Variants in BIRC6 observed in about 807,000 individuals in gnomAD.
The protein encoded by BIRC6 is baculoviral IAP repeat containing 6.
BIRC6 carries 98 observed loss-of-function variants against 503.3 expected under a neutral mutation model. The ratio of observed to expected loss-of-function variants is 0.19; its 90% CI spans 0.17 to 0.23. The LOEUF (loss-of-function observed/expected upper bound fraction) is 0.23. Ranked by LOEUF, BIRC6 falls within the 10% of genes least tolerant of loss-of-function variation. BIRC6 has a pLI of 1.00. For synonymous variants in BIRC6, 2,240 were observed against 2,078.7 expected (o/e 1.08, Z -2.11); for missense variants, 5,360 against 5,806.0 (o/e 0.92, Z 2.50).
intron 73 of BIRC6, among the ~76,000 whole-genome samples, chr2:32,615,665 G>A (rs890067026): frequency 6.6e-6 from 1 of 151,678 alleles, no homozygotes; most frequent in Admixed American, 6.6e-5. Flanking sequence ...ATGGAGTCTC[G>A]CTCTGCTGCC....
chr2:32,591,975 C>G (rs554657938), intron 66 of BIRC6, among the ~76,000 whole-genome samples: 1 of 152,170 alleles, frequency 6.6e-6, no homozygotes. Context: ...TTGAGTTACT[C>G]TACCAGAATC....
At chr2:32,485,303 T>C (rs1000852243) in intron 39 of BIRC6, among the ~76,000 whole-genome samples, 1 of 152,360 alleles carries the variant, frequency 6.6e-6, no homozygotes, top group Admixed American at 6.5e-5. Flanking sequence ...TTAATCTAAC[T>C]CCATAGGGTT....
At chr2:32,513,676 C>T (rs956539603) in intron 54 of BIRC6, among the ~76,000 whole-genome samples, 5 of 152,076 alleles carry the variant, frequency 3.3e-5, no homozygotes, top group Admixed American at 1.3e-4. Context: ...TTTGGGAGGC[C>T]GAGGTGGGCA....
intron 65 of BIRC6, among the ~76,000 whole-genome samples, chr2:32,556,775 TAA>T (rs780578031): frequency 4.6e-5 from 7 of 151,940 alleles, no homozygotes; most frequent in Admixed American, 1.3e-4. Context: ...ATAGCAAAAC[TAA>T]AAATACAAAA....
At chr2:32,543,689 A>G (rs2057842557) in intron 62 of BIRC6, 148 bp downstream of exon 62, 1 of 741,700 alleles carries the variant, frequency 1.3e-6, no homozygotes, top group South Asian at 1.9e-5. Context: ...AGTATTAGTT[A>G]TACATAATAA....
chr2:32,422,072 T>A (rs950768873), intron 10 of BIRC6, among the ~76,000 whole-genome samples: 8 of 152,210 alleles, frequency 5.3e-5, no homozygotes, highest in Non-Finnish European at 7.3e-5. Flanking sequence ...TATTCCTCTG[T>A]CTCTATTTTG....
rs972372045 is a variant in BIRC6, at chr2:32,618,293, A to G, written c.*389A>G. 1.3e-5 allele frequency: 2 copies of G among 154,066 alleles called. No homozygotes were observed. Among genetic ancestry groups the G allele is most frequent in the African/African-American group, 4.8e-5 (2 of 41,442 alleles). The allele number at this position is 154,066 out of a possible 1,614,324, so 9.5% of individuals were successfully genotyped here. A position where few individuals can be genotyped will look rare whatever the true frequency, so the allele number is the denominator to read the frequency against. On this transcript the variant is annotated 3_prime_UTR_variant, in exon 74 of 74. Transcript: ENST00000421745. Reference sequence around the variant, plus strand: ...ATATATATTGGTCATTCTTACAACTACTATTTAAAGTCAGCAACTTTTCAC... The same window carrying G: ...ATATATATTGGTCATTCTTACAACTGCTATTTAAAGTCAGCAACTTTTCAC...
intron 5 of BIRC6, among the ~76,000 whole-genome samples, chr2:32,392,836 T>C (rs1332156724): frequency 1.3e-5 from 2 of 151,278 alleles, no homozygotes; most frequent in East Asian, 1.9e-4. Context: ...AGACACAGGG[T>C]TTCTGGTGTT....
intron 55 of BIRC6, among the ~76,000 whole-genome samples, chr2:32,517,434 A>G (rs888525171): frequency 6.6e-6 from 1 of 152,208 alleles, no homozygotes. Context: ...CTAAATATGC[A>G]TTAAAAGGAA....
rs1439655530 is a variant in BIRC6, at chr2:32,618,538, C to G, written c.*634C>G. On this transcript the variant is annotated 3_prime_UTR_variant, in exon 74 of 74. Transcript: ENST00000421745. ...TACATTCAACATATTTAATTTTATG[C>G]CTTCTAATTCTAAGATGCAGAAAAA... The G allele has an allele frequency of 1.3e-5, 2 of 152,420 alleles. No homozygotes were observed. Among genetic ancestry groups the G allele is most frequent in the Admixed American group, 1.3e-4 (2 of 15,242 alleles). The allele number at this position is 152,420 out of a possible 1,614,324, so 9.4% of individuals were successfully genotyped here.
In BIRC6 at chr2:32,491,509, A is replaced by C; in HGVS notation, c.8291A>C (p.Lys2764Thr). 1 of 1,613,662 alleles carries C rather than the reference A, an allele frequency of 6.2e-7. No homozygotes were observed. Among genetic ancestry groups the C allele is most frequent in the Non-Finnish European group, 8.5e-7 (1 of 1,179,678 alleles). The change falls in exon 44 of 74, where the codon AAA (lysine) becomes ACA (threonine). Residue 2764 changes from lysine (K) to threonine (T), a missense_variant. Coordinates refer to ENST00000421745, the MANE Select transcript of BIRC6 (RefSeq NM_016252.4). ...CCAAACCTAATTCATGTATTAGTGAAATTTCTTTCTGGCACCAGTCCACAT... is the reference window on the plus strand; with the variant it reads ...CCAAACCTAATTCATGTATTAGTGACATTTCTTTCTGGCACCAGTCCACAT... Reference protein sequence around the residue: ...SDPNLIHVLVKFLSGTSPHGT... With the variant: ...SDPNLIHVLVTFLSGTSPHGT...
At chr2:32,564,575 T>C (rs1168757194) in intron 65 of BIRC6, 1 of 152,218 alleles carries the variant, frequency 6.6e-6, no homozygotes, top group Non-Finnish European at 1.5e-5. Flanking sequence ...TGGTTTTAAT[T>C]TGCATTTCTT....
At chr2:32,369,943 AAAATAT>A (rs1386109336) in intron 1 of BIRC6, among the ~76,000 whole-genome samples, 60 of 32,230 alleles carry the variant, frequency 1.9e-3, no homozygotes, top group Non-Finnish European at 2.2e-3. Flanking sequence ...AAAAAAAAAA[AAAATAT>A]ATATATATAT....
intron 45 of BIRC6, among the ~76,000 whole-genome samples, chr2:32,495,939 G>A (rs540187181): frequency 2.0e-5 from 3 of 152,002 alleles, no homozygotes; most frequent in African/African-American, 4.8e-5. Context: ...CTGGGTTCAC[G>A]CCATTCTCCC....
intron 66 of BIRC6, among the ~76,000 whole-genome samples, chr2:32,587,344 G>T (rs114068218): frequency 6.6e-6 from 1 of 152,026 alleles, no homozygotes. Context: ...CCGAGATTTC[G>T]CCACTGCCCT....
At chr2:32,459,907 C>A (rs954870825) in intron 23 of BIRC6, among the ~76,000 whole-genome samples, 4 of 151,242 alleles carry the variant, frequency 2.6e-5, no homozygotes, top group African/African-American at 9.7e-5. Context: ...ATATTACTGT[C>A]ACATCTGGTG....
At chr2:32,529,956 T>G in intron 60 of BIRC6, 132 bp downstream of exon 60, 1 of 535,860 alleles carries the variant, frequency 1.9e-6, no homozygotes, top group South Asian at 7.8e-5. Context: ...TGACTGAATT[T>G]TTGTAAATAT....
chr2:32,504,316 CTTAGAATAAAGATGATTTT>C (rs1245777250), intron 49 of BIRC6, among the ~76,000 whole-genome samples: 2 of 151,910 alleles, frequency 1.3e-5, no homozygotes, highest in Non-Finnish European at 2.9e-5. Flanking sequence ...ACATTGACAT[CTTAGAATAAAGATGATTTT>C]TTTAAAGGTG....
intron 66 of BIRC6, chr2:32,590,915 T>C: frequency 1.0e-6 from 1 of 985,868 alleles, no homozygotes; most frequent in South Asian, 4.7e-5. Flanking sequence ...CTCAAAGACC[T>C]ACTTCCAGCT....
Sources: gnomAD v4.1 joint callset for allele counts (sites outside exome capture counted in the v4.1 genomes callset) on GRCh38, gnomAD v4.1.1 for gene constraint, MANE v1.5 for transcripts, NCBI Gene and HGNC (gene_info 2026-07-23, HGNC 2026-07-21) for gene names.